CLTC: variants seen among roughly 807,000 people sequenced by gnomAD.
CLTC encodes clathrin heavy chain 1.
A neutral mutation model predicts 195.8 loss-of-function variants in CLTC; 16 were observed. The ratio of observed to expected loss-of-function variants is 0.08; its 90% CI spans 0.06 to 0.12. The LOEUF (loss-of-function observed/expected upper bound fraction) is 0.12, where lower values mean the gene tolerates loss of function less well. CLTC is among the 10% of genes least tolerant of loss of function. The pLI is 1.00. For missense variants in CLTC, 796 were observed against 2,027.0 expected (o/e 0.39, Z 11.66); for synonymous variants, 667 against 689.4 (o/e 0.97, Z 0.51).
intron 1 of CLTC, among the ~76,000 whole-genome samples, chr17:59,629,271 A>G (rs915912651): frequency 5.9e-5 from 9 of 152,144 alleles, no homozygotes; most frequent in African/African-American, 2.2e-4. Context: ...GAGTCTCCTT[A>G]TTAAAAGCCT....
At chr17:59,667,286 T>C (rs946587701) in intron 13 of CLTC, among the ~76,000 whole-genome samples, 6 of 152,108 alleles carry the variant, frequency 3.9e-5, no homozygotes, top group African/African-American at 1.2e-4. Context: ...AATCTGAAAA[T>C]CCAAAATGCA....
intron 1 of CLTC, among the ~76,000 whole-genome samples, chr17:59,641,602 T>TCA (rs2032035934): frequency 1.3e-4 from 1 of 7,706 alleles, no homozygotes; most frequent in Non-Finnish European, 3.9e-4. Flanking sequence ...AGACTCCATC[T>TCA]CAAAAAAAAA....
At position 59,694,538 on chromosome 17, in the gene CLTC, T is replaced by A. The variant is rs536903048; in HGVS notation, c.*686T>A. 2 of 227,536 alleles carry A rather than the reference T, an allele frequency of 8.8e-6. No homozygotes were observed. The highest frequency in any genetic ancestry group is 1.1e-4 in the Admixed American group (2 of 17,606). The allele number at this position is 227,536 out of a possible 1,614,324, so 14.1% of individuals were successfully genotyped here. On this transcript the variant is annotated 3_prime_UTR_variant, in exon 32 of 32. Coordinates refer to ENST00000269122, the MANE Select transcript of CLTC (RefSeq NM_004859.4). Reference sequence around the variant, plus strand: ...GGTGCCCTTATGTTGTGCTGTATCCTGTGCTTTTTCTGTGGGACCATTCCA... The same window carrying A: ...GGTGCCCTTATGTTGTGCTGTATCCAGTGCTTTTTCTGTGGGACCATTCCA...
intron 6 of CLTC, among the ~76,000 whole-genome samples, chr17:59,657,649 T>C (rs1250060635): frequency 6.6e-6 from 1 of 151,466 alleles, no homozygotes; most frequent in Non-Finnish European, 1.5e-5. Flanking sequence ...ATGCCTGTAA[T>C]GCTAGCTACT....
At position 59,664,092 on chromosome 17, in the gene CLTC, C is replaced by G. The variant is rs188266820; in HGVS notation, c.1521+98C>G. ...CTTGATTACTTTAATAGTGAATTTC[C>G]TTTCATTTTGATTTACTTTGAAATG... On this transcript the variant is annotated intron_variant, in intron 9 of 31. Transcript: ENST00000269122. 3.5e-5 allele frequency: 36 copies of G among 1,016,890 alleles called. No individual in the cohort carries two copies. The East Asian group carries it at 9.6e-4, about 27-fold the overall frequency. 63.0% of individuals were successfully genotyped at this position (1,016,890 alleles called of 1,614,324 possible). A position where few individuals can be genotyped will look rare whatever the true frequency, so the allele number is the denominator to read the frequency against.
intron 1 of CLTC, among the ~76,000 whole-genome samples, chr17:59,624,327 G>A (rs2031476588): frequency 6.6e-6 from 1 of 152,040 alleles, no homozygotes; most frequent in Non-Finnish European, 1.5e-5. Context: ...TTGGACTTAG[G>A]CCCAGAGAGG....
chr17:59,629,674 C>T (rs370541641), intron 1 of CLTC, among the ~76,000 whole-genome samples: 39 of 152,072 alleles, frequency 2.6e-4, no homozygotes, highest in African/African-American at 9.4e-4. Context: ...GTGCCCGCCA[C>T]CATGCCTGGC....
chr17:59,632,107 G>T (rs915251420), intron 1 of CLTC, among the ~76,000 whole-genome samples: 2 of 152,116 alleles, frequency 1.3e-5, no homozygotes, highest in Admixed American at 1.3e-4. Context: ...GGTGGCTCAC[G>T]CCTGTAATCC....
chr17:59,621,018 T>G (rs1437246653), intron 1 of CLTC, among the ~76,000 whole-genome samples: 1 of 152,198 alleles, frequency 6.6e-6, no homozygotes, highest in Non-Finnish European at 1.5e-5. Flanking sequence ...TTCTTCAGGA[T>G]CGCATGGAAT....
intron 6 of CLTC, among the ~76,000 whole-genome samples, chr17:59,658,124 A>T (rs927799769): frequency 6.6e-6 from 1 of 151,886 alleles, no homozygotes; most frequent in African/African-American, 2.4e-5. Flanking sequence ...AATTGCTTGA[A>T]CCCATGAGGC....
intron 15 of CLTC, 66 bp downstream of exon 15, chr17:59,673,838 A>G: frequency 1.2e-6 from 1 of 855,614 alleles, no homozygotes; most frequent in South Asian, 1.7e-5. Flanking sequence ...ATATTCTGGA[A>G]ATCCTTTTGA....
At chr17:59,684,364 G>T in intron 28 of CLTC, 1 of 180,564 alleles carries the variant, frequency 5.5e-6, no homozygotes, top group Non-Finnish European at 1.2e-5. Context: ...TTTCTCTTAT[G>T]AAGGATTTCA....
intron 14 of CLTC, 91 bp downstream of exon 14, chr17:59,669,031 T>A: frequency 8.5e-7 from 1 of 1,182,850 alleles, no homozygotes; most frequent in Non-Finnish European, 1.2e-6. Flanking sequence ...ATTTTTTCCC[T>A]AAATGTGAAG....
rs2033090571 is a variant in CLTC, at chr17:59,681,945, C to A, written c.3442+106C>A. The A allele has an allele frequency of 2.0e-6, 2 of 1,008,028 alleles. No homozygotes were observed. The highest frequency in any genetic ancestry group is 5.2e-5 in the Admixed American group (2 of 38,546). 62.4% of individuals were successfully genotyped at this position (1,008,028 alleles called of 1,614,324 possible). On this transcript the variant is annotated intron_variant, in intron 21 of 31. Coordinates refer to ENST00000269122, the MANE Select transcript of CLTC (RefSeq NM_004859.4). This position sits in a 1 kb window ranked among gnomAD's most constrained non-coding sequence, Gnocchi z 5.0. ...AGAAGAGTTGGATACTGCATGGTTT[C>A]TTTTAGTGCTCCATCTTAGTCCAGA...
intron 1 of CLTC, among the ~76,000 whole-genome samples, chr17:59,628,814 A>T (rs536022846): frequency 9.3e-4 from 141 of 152,226 alleles, no homozygotes; most frequent in African/African-American, 3.2e-3. Context: ...GCCCGCCACC[A>T]GGCCTGGCGA....
intron 16 of CLTC, among the ~76,000 whole-genome samples, chr17:59,675,667 A>G (rs1330576352): frequency 6.6e-6 from 1 of 152,068 alleles, no homozygotes; most frequent in Admixed American, 6.5e-5. Context: ...ATTTTATGTC[A>G]TAACAATTTA....
In CLTC at chr17:59,693,966, T is replaced by G. The variant is rs1020860742; in HGVS notation, c.*114T>G. On this transcript the variant is annotated 3_prime_UTR_variant, in exon 32 of 32. Transcript: ENST00000269122. ...ACGTGTTCTTGTAACCTTTATTTCA[T>G]GAAGGACTTCTTTTTGTTTCTAACT... 9 of 1,121,264 alleles carry G rather than the reference T, an allele frequency of 8.0e-6. No homozygotes were observed. Among genetic ancestry groups the G allele is most frequent in the Non-Finnish European group, 1.1e-5 (9 of 836,056 alleles). The allele number at this position is 1,121,264 out of a possible 1,614,324, so 69.5% of individuals were successfully genotyped here.
At position 59,651,184 on chromosome 17, in the gene CLTC, T is replaced by G. The variant is rs777260586; in HGVS notation, c.682-19T>G. The G allele has an allele frequency of 1.3e-6, 2 of 1,496,934 alleles. No individual in the cohort carries two copies. Among genetic ancestry groups the G allele is most frequent in the South Asian group, 2.3e-5 (2 of 86,952 alleles). 92.7% of individuals were successfully genotyped at this position (1,496,934 alleles called of 1,614,324 possible). ...GCTAATGTATAGGTTTATATACATT[T>G]TGATTTTCTTTTGAACAGTTACATA... On this transcript the variant is annotated intron_variant, in intron 4 of 31. Coordinates refer to ENST00000269122, the MANE Select transcript of CLTC (RefSeq NM_004859.4).
Position 59,681,072 on chromosome 17 carries a change from G to A in CLTC, c.3065+15G>A. 2 of 1,611,234 alleles carry A rather than the reference G, an allele frequency of 1.2e-6. No individual in the cohort carries two copies. The highest frequency in any genetic ancestry group is 2.2e-5 in the South Asian group (2 of 90,616). On this transcript the variant is annotated intron_variant, in intron 19 of 31. Transcript: ENST00000269122. This position sits in a 1 kb window ranked among gnomAD's most constrained non-coding sequence, Gnocchi z 5.0. Reference sequence around the variant, plus strand: ...AGTGAACACAGGTATGCTTTCAGAGGGATCCATTGGCTATTTATAGTCAGT... The same window carrying A: ...AGTGAACACAGGTATGCTTTCAGAGAGATCCATTGGCTATTTATAGTCAGT...
Sources: gnomAD v4.1 joint callset for allele counts (sites outside exome capture counted in the v4.1 genomes callset) on GRCh38, gnomAD v4.1.1 for gene constraint, Gnocchi (gnomAD v3.1) non-coding constraint, MANE v1.5 for transcripts, NCBI Gene and HGNC (gene_info 2026-07-23, HGNC 2026-07-21) for gene names.